THAP8: variants seen among roughly 807,000 people sequenced by gnomAD.
THAP8 encodes THAP domain containing 8.
THAP8 carries 24 observed loss-of-function variants against 25.0 expected under a neutral mutation model. The ratio of observed to expected loss-of-function variants is 0.96; its 90% confidence interval spans 0.69 to 1.35. The LOEUF (loss-of-function observed/expected upper bound fraction) is 1.35. Ranked by LOEUF, THAP8 falls within the 40% of genes most tolerant of loss-of-function variation. The probability of loss-of-function intolerance (pLI) is 0.00; values close to 1 mark genes in which losing one functional copy is unlikely to be tolerated. For synonymous variants in THAP8, 169 were observed against 157.6 expected, an observed-to-expected ratio of 1.07 and a Z score of -0.54; for missense variants, 399 against 368.8, an observed-to-expected ratio of 1.08 and a Z score of -0.67.
rs750951253 is a variant in THAP8 at position 36,040,135 on chromosome 19, A to T, written c.85T>A (p.Phe29Ile). 2.5e-6 allele frequency: 4 copies of T among 1,604,154 alleles called. No individual in the cohort carries two copies. The highest frequency in any genetic ancestry group is 3.4e-6 in the Non-Finnish European group (4 of 1,175,046). Reference sequence around the variant, plus strand: ...AGCCGGGGACCATCCTTCAGTGGGAACCTGCATGGGTGGTTGGGGGGCTGG... The same window carrying T: ...AGCCGGGGACCATCCTTCAGTGGGATCCTGCATGGGTGGTTGGGGGGCTGG... ...ADNRPVSFYK[F>I]PLKDGPRLQA... The change falls in exon 2 of 4, where the codon TTC (phenylalanine) becomes ATC (isoleucine). Residue 29 changes from phenylalanine (F) to isoleucine (I), a missense_variant and splice_region_variant. Phe to Ile is a conservative substitution (Grantham distance 21). Transcript: ENST00000292894.
intron 1 of THAP8, among the ~76,000 whole-genome samples, chr19:36,050,908 G>A (rs774393600): frequency 1.3e-5 from 2 of 152,104 alleles, no homozygotes; most frequent in East Asian, 1.9e-4. Context: ...TCCACCCAAC[G>A]AATCTTTACT....
At position 36,035,805 on chromosome 19, in the gene THAP8, A is replaced by G. The variant is rs551585018; in HGVS notation, c.673-213T>C. Among the ~76,000 whole-genome samples the G allele has an allele frequency of 2.0e-5, 3 of 152,098 alleles. No individual in the cohort carries two copies. In the East Asian group the frequency reaches 5.8e-4, roughly 29 times the overall value. ...AGGAAAGAAGGGTGGGGAAATGGGA[A>G]GAGAAGTGCGGGGGCACAGACGCAG... On this transcript the variant is annotated intron_variant, in intron 3 of 3. Coordinates refer to ENST00000292894, the MANE Select transcript of THAP8 (RefSeq NM_152658.3).
At chr19:36,048,934 C>T (rs1382954528) in intron 1 of THAP8, among the ~76,000 whole-genome samples, 3 of 150,710 alleles carry the variant, frequency 2.0e-5, no homozygotes, top group South Asian at 2.1e-4. Context: ...AACTTAACCA[C>T]ACTGATTCCT....
chr19:36,040,217 T>A, intron 1 of THAP8, 81 bp from the exon 2 acceptor site: 2 of 1,416,200 alleles, frequency 1.4e-6, no homozygotes, highest in Non-Finnish European at 1.9e-6. Flanking sequence ...CCTGGAGGTC[T>A]CTGGGCTCCA....
chr19:36,054,117 G>T lies in THAP8; in HGVS notation c.83+18C>A. The T allele has an allele frequency of 1.2e-6, 2 of 1,610,266 alleles. No individual in the cohort carries two copies. Among genetic ancestry groups the T allele is most frequent in the Non-Finnish European group, 8.5e-7 (1 of 1,178,478 alleles). On this transcript the variant is annotated intron_variant, in intron 1 of 3. Transcript: ENST00000292894. ...CAGGGTCCCGCCTCCCTCAAGCCCC[G>T]CCCCGCGCTGCGCTCACTTGTAGAA...
At chr19:36,038,800 G>A (rs1424842743) in intron 3 of THAP8, among the ~76,000 whole-genome samples, 3 of 150,616 alleles carry the variant, frequency 2.0e-5, no homozygotes, top group East Asian at 2.0e-4. Flanking sequence ...GCAGTGAGCC[G>A]AGATTGCACT....
chr19:36,048,522 C>T (rs1399565891), intron 1 of THAP8, among the ~76,000 whole-genome samples: 4 of 152,096 alleles, frequency 2.6e-5, no homozygotes, highest in Middle Eastern at 3.2e-3. Context: ...TGTGCCACCA[C>T]GCCTGGCAAT....
rs1275699067 is a variant in THAP8, at chr19:36,039,587, T to C, written c.408A>G (p.Thr136=). 1.3e-6 allele frequency: 2 copies of C among 1,513,222 alleles called. No homozygotes were observed. Among genetic ancestry groups the C allele is most frequent in the East Asian group, 2.5e-5 (1 of 40,582 alleles). The allele number at this position is 1,513,222 out of a possible 1,614,324, so 93.7% of individuals were successfully genotyped here. ...TGGCCACAGTCTTGGGGCTCCCCGA[T>C]GTGGGGCCCAGCACCACTAGGCGCA... ...GPVRLVVLGP[T]SGSPKTVATM... is the part of the protein sequence containing the mutation. Residue 136 remains threonine, a synonymous_variant, in exon 3 of 4, where the codon ACA becomes ACG. Coordinates refer to ENST00000292894, the MANE Select transcript of THAP8 (RefSeq NM_152658.3).
intron 1 of THAP8, chr19:36,045,829 C>T: frequency 2.2e-6 from 1 of 456,716 alleles, no homozygotes; most frequent in Non-Finnish European, 4.4e-6. Context: ...CCCCCAGAAC[C>T]TCCAGAGGAG....
intron 3 of THAP8, among the ~76,000 whole-genome samples, chr19:36,036,650 G>C (rs1285578401): frequency 1.3e-5 from 2 of 152,114 alleles, no homozygotes; most frequent in Middle Eastern, 3.4e-3. Context: ...CTATCAATCT[G>C]AGACTCCTGG....
intron 1 of THAP8, among the ~76,000 whole-genome samples, chr19:36,053,296 G>C (rs1279633086): frequency 7.5e-6 from 1 of 133,464 alleles, no homozygotes; most frequent in African/African-American, 2.9e-5. Context: ...TCGAACTCCT[G>C]ACCTCAGGTG....
intron 1 of THAP8, among the ~76,000 whole-genome samples, chr19:36,050,997 A>G (rs984424646): frequency 7.9e-5 from 12 of 152,218 alleles, no homozygotes; most frequent in African/African-American, 2.9e-4. Context: ...AAAGAAAGAC[A>G]AAACCTCTGG....
chr19:36,049,469 T>C (rs964695380), intron 1 of THAP8, among the ~76,000 whole-genome samples: 1 of 152,166 alleles, frequency 6.6e-6, no homozygotes, highest in African/African-American at 2.4e-5. Context: ...TCTCATCTTA[T>C]CTCTCACCTG....
In THAP8 at chr19:36,052,028, TG is replaced by T. The variant is rs200875058; in HGVS notation, c.83+2106del. 3.4e-3 allele frequency among the ~76,000 whole-genome samples: 511 copies of T among 151,690 alleles called. 5 individuals carry two copies. Among genetic ancestry groups the T allele is most frequent in the Non-Finnish European group, 3.4e-3 (232 of 67,874 alleles). On this transcript the variant is annotated intron_variant, in intron 1 of 3. Transcript: ENST00000292894. ...TCTAGGTTGCCCTCCATTTTTTTTT[TG>T]TTTGTTTGTTTTTTGGGTTTTTTGG... is the stretch of plus-strand genomic sequence containing the variant.
At chr19:36,051,479 TG>T (rs138722575) in intron 1 of THAP8, among the ~76,000 whole-genome samples, 104 of 151,824 alleles carry the variant, frequency 6.9e-4, no homozygotes, top group African/African-American at 2.3e-3. Context: ...GGGAACAGAC[TG>T]GGGGTGACGG....
At chr19:36,043,818 G>A (rs1287851626) in intron 1 of THAP8, among the ~76,000 whole-genome samples, 1 of 152,172 alleles carries the variant, frequency 6.6e-6, no homozygotes, top group Admixed American at 6.5e-5. Context: ...AACCTGGGAG[G>A]TGGAAGTTGC....
At chr19:36,042,374 G>A (rs1250291833) in intron 1 of THAP8, among the ~76,000 whole-genome samples, 1 of 152,206 alleles carries the variant, frequency 6.6e-6, no homozygotes, top group African/African-American at 2.4e-5. Context: ...GCTCATGCCT[G>A]TAATCCCAGC....
intron 1 of THAP8, among the ~76,000 whole-genome samples, chr19:36,040,455 TAGCTGGGACTACAGGCGCACGCC>T: frequency 6.6e-6 from 1 of 152,082 alleles, no homozygotes; most frequent in African/African-American, 2.4e-5. Context: ...GCCTCCTGAG[TAGCTGGGACTACAGGCGCACGCC>T]ACCACGCCCG....
rs746224359 is a variant in THAP8 at position 36,039,348 on chromosome 19, C to T, written c.647G>A (p.Arg216Gln). 2.4e-4 allele frequency: 362 copies of T among 1,526,920 alleles called. 1 individual carries two copies. Among genetic ancestry groups the T allele is most frequent in the East Asian group, 2.5e-4 (10 of 40,598 alleles). 94.6% of individuals were successfully genotyped at this position (1,526,920 alleles called of 1,614,324 possible). The change falls in exon 3 of 4, where the codon CGG (arginine) becomes CAG (glutamine). Residue 216 changes from arginine to glutamine, a missense_variant. Arg to Gln is a conservative substitution (Grantham distance 43, BLOSUM62 1). Coordinates refer to ENST00000292894, the MANE Select transcript of THAP8 (RefSeq NM_152658.3). The stretch of plus-strand genomic sequence containing the variant: ...CAGGCGCTGCAGACCCCGGCGTGCC[C>T]GTGCCAGCAGGCTCTCCCCGTGTAG... ...QQLHGESLLA[R>Q]ARRGLQRLTT... is the part of the protein sequence containing the mutation.
Sources: allele counts gnomAD v4.1 joint callset (sites outside exome capture counted in the v4.1 genomes callset), GRCh38; gene constraint gnomAD v4.1.1; transcripts MANE v1.5; gene names NCBI Gene and HGNC (gene_info 2026-07-23, HGNC 2026-07-21).